The following NPHP4 variants were observed in gnomAD, a reference collection of about 807,000 sequenced individuals.
The protein encoded by NPHP4 is nephrocystin-4.
Under a neutral mutation model 155.8 loss-of-function variants are expected in NPHP4, and 151 were observed. That is an observed-to-expected ratio of 0.97 (90% CI 0.85 to 1.11). NPHP4 has a LOEUF of 1.11. NPHP4 is among the 50% of genes least tolerant of loss of function. NPHP4 has a pLI of 0.00. For synonymous variants in NPHP4, 845 were observed against 816.8 expected, an observed-to-expected ratio of 1.03 and a Z score of -0.59; for missense variants, 1,956 against 1,925.7, an observed-to-expected ratio of 1.02 and a Z score of -0.29.
rs145314121 is a variant in NPHP4, at chr1:5,870,066, C to A, written c.3316-2170G>T. Among the ~76,000 whole-genome samples the A allele has an allele frequency of 5.9e-5, 9 of 152,342 alleles. No homozygotes were observed. In the East Asian group the frequency reaches 1.7e-3, roughly 29 times the overall value. ...TAGGTCTCTGCTGAGAGGGACTTAG[C>A]AGCAGTGACATCCCAGTAGTACTGA... On this transcript the variant is annotated intron_variant, in intron 23 of 29. Coordinates refer to ENST00000378156, the MANE Select transcript of NPHP4 (RefSeq NM_015102.5).
At chr1:5,879,393 A>G (rs945873183) in intron 19 of NPHP4, 4 of 392,170 alleles carry the variant, frequency 1.0e-5, no homozygotes, top group African/African-American at 6.2e-5. Context: ...TGTGAAACAC[A>G]TTTTCACCAA....
chr1:5,908,755 C>T (rs1250691842), intron 12 of NPHP4, among the ~76,000 whole-genome samples: 6 of 152,222 alleles, frequency 3.9e-5, no homozygotes, highest in African/African-American at 1.4e-4. Context: ...GGCCAGGGGA[C>T]ACCAATAGCT....
intron 11 of NPHP4, among the ~76,000 whole-genome samples, chr1:5,915,616 G>C (rs2101476154): frequency 6.6e-6 from 1 of 152,294 alleles, no homozygotes. Flanking sequence ...CAGGACTGCA[G>C]GAGTCCAGAT....
At position 5,865,013 on chromosome 1, in the gene NPHP4, C is replaced by T. The variant is rs1298927940; in HGVS notation, c.3816+89G>A. The T allele has an allele frequency of 1.1e-5, 15 of 1,353,456 alleles. No individual in the cohort carries two copies. In the East Asian group the frequency reaches 3.5e-4, roughly 32 times the overall value. The allele number at this position is 1,353,456 out of a possible 1,614,324, so 83.8% of individuals were successfully genotyped here. ...GGCGCTGGAAAAGCTGCTGTCAGGG[C>T]CACCCACTGTGCTCCAGCTGAATGC... On this transcript the variant is annotated intron_variant, in intron 27 of 29. Coordinates refer to ENST00000378156, the MANE Select transcript of NPHP4 (RefSeq NM_015102.5).
chr1:5,892,749 G>A lies in NPHP4; in HGVS notation c.2144-1721C>T, dbSNP rs1290175660. Among the ~76,000 whole-genome samples the A allele has an allele frequency of 1.3e-5, 2 of 152,026 alleles. No homozygotes were observed. The highest frequency in any genetic ancestry group is 1.3e-4 in the Admixed American group (2 of 15,266). ...TGGCTCCTCCGTGGCCACCCCTGAG[G>A]TCCAAGCTCCCCACAGTCCACCCTG... On this transcript the variant is annotated intron_variant, in intron 16 of 29. Transcript: ENST00000378156. The surrounding 1 kb of genome is among the most constrained non-coding windows in gnomAD (Gnocchi z 4.5).
At chr1:5,959,034 G>C (rs999399148) in intron 6 of NPHP4, among the ~76,000 whole-genome samples, 1 of 141,462 alleles carries the variant, frequency 7.1e-6, no homozygotes, top group Admixed American at 7.0e-5. Context: ...CTCTGAGAGT[G>C]GGGGCGGGGG....
intron 23 of NPHP4, among the ~76,000 whole-genome samples, chr1:5,872,525 C>T (rs889963811): frequency 2.6e-5 from 4 of 152,194 alleles, no homozygotes; most frequent in Admixed American, 6.5e-5. Flanking sequence ...TGGCTGCACA[C>T]TTAAATAAAA....
chr1:5,863,127 CTCAGCCAAGTGCACAGG>C lies in NPHP4; in HGVS notation c.*121_*137del. ...ATGACCAGCGCTCGGTCTCTGCTTC[CTCAGCCAAGTGCACAGG>C]TCAGCCAGGTGGGCACTGAAGTGAA... On this transcript the variant is annotated 3_prime_UTR_variant, in exon 30 of 30. Coordinates refer to ENST00000378156, the MANE Select transcript of NPHP4 (RefSeq NM_015102.5). 1 of 891,012 alleles carries C rather than the reference CTCAGCCAAGTGCACAGG, an allele frequency of 1.1e-6. No individual in the cohort carries two copies. Among genetic ancestry groups the C allele is most frequent in the Admixed American group, 1.9e-5 (1 of 52,696 alleles). The allele number at this position is 891,012 out of a possible 1,614,324, so 55.2% of individuals were successfully genotyped here.
chr1:5,963,278 C>T (rs896954144), intron 5 of NPHP4, among the ~76,000 whole-genome samples: 1 of 151,996 alleles, frequency 6.6e-6, no homozygotes. Context: ...GCCTGTAATC[C>T]CAGTGACTTG....
intron 17 of NPHP4, chr1:5,888,607 T>C (rs778000344): frequency 1.5e-6 from 2 of 1,348,972 alleles, no homozygotes; most frequent in Non-Finnish European, 2.0e-6. Context: ...ATATGAGAAG[T>C]CTCCTTTAGG....
rs899470394 is a variant in NPHP4 at position 5,909,080 on chromosome 1, G to A, written c.1503+72C>T. 2.4e-6 allele frequency: 3 copies of A among 1,259,606 alleles called. No homozygotes were observed. The African/African-American group carries it at 4.5e-5, about 19-fold the overall frequency. 78.0% of individuals were successfully genotyped at this position (1,259,606 alleles called of 1,614,324 possible). On this transcript the variant is annotated intron_variant, in intron 12 of 29. Coordinates refer to ENST00000378156, the MANE Select transcript of NPHP4 (RefSeq NM_015102.5). ...ACGCAGGGATCCACTGTGCTTAAGG[G>A]GGGACAGAGGGTTTTCTTGCAAGTA...
At chr1:5,954,928 A>G (rs1176674712) in intron 6 of NPHP4, among the ~76,000 whole-genome samples, 1 of 152,188 alleles carries the variant, frequency 6.6e-6, no homozygotes, top group East Asian at 1.9e-4. Flanking sequence ...CAATTAACCG[A>G]GTGAAGAGAT....
chr1:5,979,224 T>C (rs1177435802), intron 2 of NPHP4, among the ~76,000 whole-genome samples: 2 of 152,248 alleles, frequency 1.3e-5, no homozygotes, highest in South Asian at 2.1e-4. Flanking sequence ...ATTCTGCGCA[T>C]TGACTCTCTG....
chr1:5,877,730 T>G (rs926071743), intron 19 of NPHP4, among the ~76,000 whole-genome samples: 1 of 151,978 alleles, frequency 6.6e-6, no homozygotes, highest in Admixed American at 6.6e-5. Context: ...CTTCAGTGAG[T>G]GGGGGGCAGG....
At chr1:5,898,593 T>C (rs1430899348) in intron 16 of NPHP4, among the ~76,000 whole-genome samples, 2 of 152,244 alleles carry the variant, frequency 1.3e-5, no homozygotes, top group African/African-American at 2.4e-5. Flanking sequence ...GATCGGGACA[T>C]GGCAAAGGCC....
intron 23 of NPHP4, among the ~76,000 whole-genome samples, chr1:5,871,772 G>A (rs538195834): frequency 7.9e-5 from 12 of 152,286 alleles, no homozygotes; most frequent in African/African-American, 2.6e-4. Flanking sequence ...CCAGGACAGC[G>A]GGTCCTGATC....
At chr1:5,979,780 C>T (rs1306977916) in intron 2 of NPHP4, among the ~76,000 whole-genome samples, 5 of 152,208 alleles carry the variant, frequency 3.3e-5, no homozygotes, top group African/African-American at 4.8e-5. Context: ...TCCCAAAGTG[C>T]TGGGGTTACA....
intron 23 of NPHP4, among the ~76,000 whole-genome samples, chr1:5,869,330 C>T (rs1180031177): frequency 6.8e-6 from 1 of 146,162 alleles, no homozygotes; most frequent in Non-Finnish European, 1.5e-5. Context: ...CATACACACA[C>T]ACCACCCACA....
chr1:5,965,828 C>T (rs554259576), intron 5 of NPHP4, among the ~76,000 whole-genome samples: 14 of 152,300 alleles, frequency 9.2e-5, no homozygotes, highest in Non-Finnish European at 1.5e-4. Flanking sequence ...GGAGGGCTTT[C>T]GTGTCCCCTG....
Sources: gnomAD v4.1 joint callset for allele counts (sites outside exome capture counted in the v4.1 genomes callset) on GRCh38, gnomAD v4.1.1 for gene constraint, Gnocchi (gnomAD v3.1) non-coding constraint, MANE v1.5 for transcripts, NCBI Gene and HGNC (gene_info 2026-07-23, HGNC 2026-07-21) for gene names.